The following COBLL1 variants were observed in gnomAD, a reference collection of about 807,000 sequenced individuals.
COBLL1 encodes the protein cordon-bleu protein-like 1.
Under a neutral mutation model 94.8 loss-of-function variants are expected in COBLL1, and 50 were observed. The observed-to-expected ratio is 0.53, with a 90% CI of 0.42 to 0.67. The LOEUF (loss-of-function observed/expected upper bound fraction) is 0.67, where lower values mean the gene tolerates loss of function less well. Ranked by LOEUF, COBLL1 falls within the 30% of genes least tolerant of loss-of-function variation. COBLL1 has a pLI of 0.00. For synonymous variants in COBLL1, 448 were observed against 473.8 expected, an observed-to-expected ratio of 0.95 and a Z score of 0.71; for missense variants, 1,362 against 1,348.7, an observed-to-expected ratio of 1.01 and a Z score of -0.15.
At chr2:164,818,572 A>G (rs9679744) in intron 2 of COBLL1, among the ~76,000 whole-genome samples, 33,834 of 147,300 alleles carry the variant, frequency 0.23, 4,275 homozygotes, top group African/African-American at 0.34. Flanking sequence ...CATATATAGC[A>G]TATATGTACA....
At chr2:164,833,338 A>G (rs772349594) in intron 2 of COBLL1, among the ~76,000 whole-genome samples, 3 of 152,196 alleles carry the variant, frequency 2.0e-5, no homozygotes, top group Non-Finnish European at 4.4e-5. Context: ...TGGGCCACAG[A>G]GCAAGACCCT....
chr2:164,831,483 CTGA>C (rs913220811), intron 2 of COBLL1, among the ~76,000 whole-genome samples: 1 of 150,892 alleles, frequency 6.6e-6, no homozygotes, highest in African/African-American at 2.4e-5. Flanking sequence ...TTTTCAGCTG[CTGA>C]TGTTTTTTTC....
chr2:164,801,168 G>T (rs1017369988), intron 2 of COBLL1, among the ~76,000 whole-genome samples: 3 of 151,868 alleles, frequency 2.0e-5, no homozygotes, highest in African/African-American at 7.3e-5. Flanking sequence ...GGCCGGGCGC[G>T]GTGGCTCACG....
chr2:164,812,614 C>G (rs1202474977), intron 2 of COBLL1, among the ~76,000 whole-genome samples: 2 of 151,992 alleles, frequency 1.3e-5, no homozygotes, highest in African/African-American at 4.8e-5. Context: ...GGCAAGAGTT[C>G]ACCCTTCCCT....
downstream of COBLL1, among the ~76,000 whole-genome samples, chr2:164,675,461 G>A (rs1691320353): frequency 6.6e-6 from 1 of 152,034 alleles, no homozygotes; most frequent in African/African-American, 2.4e-5. Flanking sequence ...ATAAATATAG[G>A]CTTGTTCTGC....
chr2:164,798,140 G>T (rs1225684285), intron 2 of COBLL1, among the ~76,000 whole-genome samples: 1 of 152,042 alleles, frequency 6.6e-6, no homozygotes, highest in African/African-American at 2.4e-5. Flanking sequence ...GCAGAATTCT[G>T]GCTAGATAAA....
chr2:164,735,261 A>G (rs1652740575), intron 3 of COBLL1, among the ~76,000 whole-genome samples: 1 of 152,220 alleles, frequency 6.6e-6, no homozygotes, highest in South Asian at 2.1e-4. Flanking sequence ...CAACTGACAC[A>G]TGAGAAAGCA....
chr2:164,760,834 T>C (rs1424153669), intron 2 of COBLL1, among the ~76,000 whole-genome samples: 1 of 152,208 alleles, frequency 6.6e-6, no homozygotes, highest in Non-Finnish European at 1.5e-5. Flanking sequence ...ATAACACATG[T>C]TGGCTTCAGT....
chr2:164,723,622 A>G (rs1685566838), intron 5 of COBLL1: 2 of 152,090 alleles, frequency 1.3e-5, no homozygotes, highest in South Asian at 4.1e-4. Flanking sequence ...AACTCAATAA[A>G]CTGAAACATG....
intron 2 of COBLL1, among the ~76,000 whole-genome samples, chr2:164,768,738 A>C (rs1173398000): frequency 6.6e-6 from 1 of 152,190 alleles, no homozygotes. Context: ...GAATTGAAAA[A>C]TCACAATTAA....
At chr2:164,669,752 T>C (rs1288635538) in intron 1 of COBLL1, among the ~76,000 whole-genome samples, 1 of 152,258 alleles carries the variant, frequency 6.6e-6, no homozygotes, top group Non-Finnish European at 1.5e-5. Flanking sequence ...CACTTCACTG[T>C]GAAAATTTGC....
chr2:164,820,088 C>T (rs1485082142), intron 2 of COBLL1, among the ~76,000 whole-genome samples: 1 of 149,444 alleles, frequency 6.7e-6, no homozygotes, highest in Non-Finnish European at 1.5e-5. Context: ...CCCACCTTGG[C>T]CTCCCAAAGT....
rs754952581 is a variant in COBLL1 at position 164,665,341 on chromosome 2, AGAAAG to A, written n.181+501_181+505del. 3.0e-3 allele frequency among the ~76,000 whole-genome samples: 419 copies of A among 140,126 alleles called. 4 individuals are homozygous for A. Among genetic ancestry groups the A allele is most frequent in the African/African-American group, 0.01 (393 of 38,320 alleles). 91.9% of individuals were successfully genotyped at this position (140,126 alleles called of 152,430 possible). On this transcript the variant is annotated intron_variant and non_coding_transcript_variant, in intron 2 of 2. Coordinates refer to the COBLL1 transcript ENST00000495084. ...GCAAGATTCTGTGTCAAAAAAAAAAAGAAAGAAAGAAAGAAAGAAAGAAAGAATGA... is the reference window on the plus strand; with the variant it reads ...GCAAGATTCTGTGTCAAAAAAAAAAAAAAGAAAGAAAGAAAGAAAGAATGA...
intron 2 of COBLL1, chr2:164,840,740 C>G (rs11903961): frequency 0.13 from 20,775 of 162,224 alleles, 2,024 homozygotes; most frequent in African/African-American, 0.28. Flanking sequence ...TCCCTACAGT[C>G]ACCTTGACAT....
intron 2 of COBLL1, among the ~76,000 whole-genome samples, chr2:164,803,434 G>A (rs1282509367): frequency 1.3e-5 from 2 of 150,378 alleles, no homozygotes; most frequent in African/African-American, 4.9e-5. Flanking sequence ...GCGTAGTGGC[G>A]GGCGCCTGTA....
At chr2:164,678,162 A>T (rs983960499), downstream of COBLL1, among the ~76,000 whole-genome samples, 2 of 152,188 alleles carry the variant, frequency 1.3e-5, no homozygotes, top group South Asian at 4.1e-4. Flanking sequence ...TTTCTGAAGG[A>T]GAAGAAAAAC....
At chr2:164,744,001 T>C (rs1006236725) in intron 2 of COBLL1, 126 bp from the exon 3 acceptor site, 8 of 670,562 alleles carry the variant, frequency 1.2e-5, no homozygotes, top group Non-Finnish European at 1.9e-5. Flanking sequence ...TGTTCTACAA[T>C]GTTAACTGTT....
intron 2 of COBLL1, among the ~76,000 whole-genome samples, chr2:164,805,336 T>TATATATATGTATATAAATATATATA: frequency 1.7e-5 from 1 of 60,354 alleles, no homozygotes; most frequent in African/African-American, 6.4e-5. Context: ...TCTCTCTCTC[T>TATATATATGTATATAAATATATATA]CTATATATAT....
intron 2 of COBLL1, among the ~76,000 whole-genome samples, chr2:164,826,943 T>C (rs540729675): frequency 1.3e-5 from 2 of 152,106 alleles, no homozygotes; most frequent in Admixed American, 1.3e-4. Flanking sequence ...TTGTGGGTTT[T>C]TTGTTTTTTG....
Sources: allele counts gnomAD v4.1 joint callset (sites outside exome capture counted in the v4.1 genomes callset), GRCh38; gene constraint gnomAD v4.1.1; transcripts MANE v1.5; gene names NCBI Gene and HGNC (gene_info 2026-07-23, HGNC 2026-07-21).